Variants in SLC5A7 observed in about 807,000 individuals in gnomAD.
SLC5A7 encodes solute carrier family 5 member 7, also known as high affinity choline transporter 1.
Under a neutral mutation model 55.4 loss-of-function variants are expected in SLC5A7, and 19 were observed. That is an observed-to-expected ratio of 0.34 (90% CI 0.24 to 0.50). The LOEUF (loss-of-function observed/expected upper bound fraction) is 0.50, where lower values mean the gene tolerates loss of function less well. SLC5A7 is among the 20% of genes least tolerant of loss of function. The pLI, the probability that SLC5A7 is intolerant of heterozygous loss-of-function variation, is 0.98. For synonymous variants in SLC5A7, 265 were observed against 263.7 expected (o/e 1.00, Z -0.05); for missense variants, 506 against 705.3 (o/e 0.72, Z 3.20).
intron 4 of SLC5A7, among the ~76,000 whole-genome samples, chr2:107,995,243 A>G (rs1014442536): frequency 3.9e-5 from 6 of 152,196 alleles, no homozygotes; most frequent in African/African-American, 9.7e-5. Context: ...AATAGCTATA[A>G]TGTCACTAAG....
intron 5 of SLC5A7, among the ~76,000 whole-genome samples, chr2:107,999,020 A>C (rs1000537451): frequency 2.6e-5 from 4 of 152,238 alleles, no homozygotes; most frequent in Non-Finnish European, 4.4e-5. Context: ...AATTGTAAAA[A>C]ACAGACTACA....
chr2:108,003,953 G>C (rs1208837739), intron 6 of SLC5A7, among the ~76,000 whole-genome samples: 1 of 152,108 alleles, frequency 6.6e-6, no homozygotes, highest in Non-Finnish European at 1.5e-5. Context: ...ACTTCTCGTT[G>C]TGCCCTCACA....
chr2:107,988,231 G>C lies in SLC5A7; in HGVS notation c.76G>C (p.Ala26Pro). 6.2e-7 allele frequency: 1 copy of C among 1,614,168 alleles called. No homozygotes were observed. Among genetic ancestry groups the C allele is most frequent in the Non-Finnish European group, 8.5e-7 (1 of 1,179,980 alleles). Residue 26 changes from alanine (A) to proline (P), a missense_variant, in exon 2 of 9, where the codon GCC becomes CCC. Around this residue, in one of 4 missense-constraint regions of SLC5A7, gnomAD observed 56 missense variants for 62.6 expected, o/e 0.89. Transcript: ENST00000264047. ...AATTTTGCTGGTTGGAATATGGGCT[G>C]CCTGGAGAACCAAAAACAGTGGCAG... The part of the protein sequence containing the change: ...LLILLVGIWA[A>P]WRTKNSGSAE...
At chr2:108,007,216 G>A (rs1308343568) in intron 7 of SLC5A7, among the ~76,000 whole-genome samples, 1 of 152,004 alleles carries the variant, frequency 6.6e-6, no homozygotes, top group Non-Finnish European at 1.5e-5. Context: ...TTTGTCCTGT[G>A]GTATTCTGTA....
intron 2 of SLC5A7, among the ~76,000 whole-genome samples, chr2:107,990,161 A>G (rs898191559): frequency 2.6e-5 from 4 of 152,218 alleles, no homozygotes; most frequent in African/African-American, 9.7e-5. Flanking sequence ...GTTCTCACTC[A>G]TGGATCTGAC....
chr2:107,987,483 A>C (rs1228639073), intron 1 of SLC5A7, among the ~76,000 whole-genome samples: 1 of 152,186 alleles, frequency 6.6e-6, no homozygotes, highest in Non-Finnish European at 1.5e-5. Flanking sequence ...AAACATACTT[A>C]GTTGCTATAG....
intron 8 of SLC5A7, 126 bp downstream of exon 8, chr2:108,008,808 A>AGCAGAAGAAG: frequency 1.6e-6 from 1 of 632,830 alleles, no homozygotes. Flanking sequence ...CTGTACTTTA[A>AGCAGAAGAAG]GCATACGAGA....
chr2:107,986,791 C>T (rs1329433082), intron 1 of SLC5A7, 28 bp downstream of exon 1: 3 of 152,176 alleles, frequency 2.0e-5, no homozygotes, highest in Non-Finnish European at 4.4e-5. Context: ...ATTCCTGCGC[C>T]TACGGGCCCG....
rs781570334 is a variant in SLC5A7, at chr2:107,997,825, T to C, written c.449-13T>C. On this transcript the variant is annotated splice_polypyrimidine_tract_variant and intron_variant, in intron 4 of 8. Coordinates refer to ENST00000264047, the MANE Select transcript of SLC5A7 (RefSeq NM_021815.5). ...TGGGCACCTTGACCACAGAACTCTC[T>C]TGTTTGTTTCAGGAGCCACCATCAG... is the stretch of plus-strand genomic sequence containing the variant. 2.5e-6 allele frequency: 4 copies of C among 1,602,554 alleles called. No individual in the cohort carries two copies. The highest frequency in any genetic ancestry group is 2.2e-5 in the East Asian group (1 of 44,522).
chr2:107,989,722 G>T (rs1234847185), intron 2 of SLC5A7, among the ~76,000 whole-genome samples: 1 of 152,150 alleles, frequency 6.6e-6, no homozygotes, highest in Non-Finnish European at 1.5e-5. Flanking sequence ...CTTTCAAAAG[G>T]TGCACAGTTT....
At chr2:107,991,305 TA>T (rs1307980968) in intron 2 of SLC5A7, among the ~76,000 whole-genome samples, 1 of 152,180 alleles carries the variant, frequency 6.6e-6, no homozygotes, top group Non-Finnish European at 1.5e-5. Context: ...AATATCTTAC[TA>T]AAAGATCCAT....
At chr2:108,007,701 C>A (rs1678176590) in intron 7 of SLC5A7, among the ~76,000 whole-genome samples, 1 of 151,996 alleles carries the variant, frequency 6.6e-6, no homozygotes, top group Non-Finnish European at 1.5e-5. Flanking sequence ...ATGGTAGGAT[C>A]CAAAGAGAAC....
intron 7 of SLC5A7, among the ~76,000 whole-genome samples, chr2:108,007,498 GTGTGTC>G (rs1403981209): frequency 8.6e-5 from 13 of 151,966 alleles, no homozygotes; most frequent in Admixed American, 7.2e-4. Flanking sequence ...GTGTGTGTGT[GTGTGTC>G]TGTGTGTGTG....
chr2:107,991,390 T>C (rs1211308369), intron 2 of SLC5A7, among the ~76,000 whole-genome samples: 1 of 152,176 alleles, frequency 6.6e-6, no homozygotes, highest in Admixed American at 6.5e-5. Context: ...AGTCTAGGCC[T>C]TAAGGTAACA....
At chr2:107,991,680 C>A (rs1048534065) in intron 2 of SLC5A7, among the ~76,000 whole-genome samples, 2 of 151,942 alleles carry the variant, frequency 1.3e-5, no homozygotes, top group Non-Finnish European at 2.9e-5. Context: ...AATGGAAGGG[C>A]CTTGAAATAA....
Position 108,013,564 on chromosome 2 carries a change from A to G in SLC5A7, c.*2703A>G, listed in dbSNP as rs1457345950. On this transcript the variant is annotated 3_prime_UTR_variant, in exon 9 of 9. Coordinates refer to ENST00000264047, the MANE Select transcript of SLC5A7 (RefSeq NM_021815.5). ...TTTTGACATAATGAGTAATGCAGAC[A>G]TTTACATGTTCTTCCAGCTTCAATC... The G allele has an allele frequency of 1.2e-4, 18 of 152,188 alleles. No individual in the cohort carries two copies. The highest frequency in any genetic ancestry group is 1.9e-4 in the Non-Finnish European group (13 of 68,014). The allele number at this position is 152,188 out of a possible 1,614,324, so 9.4% of individuals were successfully genotyped here.
intron 7 of SLC5A7, among the ~76,000 whole-genome samples, chr2:108,008,067 C>T (rs1043335713): frequency 2.6e-5 from 4 of 152,276 alleles, no homozygotes; most frequent in African/African-American, 7.2e-5. Flanking sequence ...CTACTATTGT[C>T]TTTCTTCATT....
intron 5 of SLC5A7, 151 bp from the exon 6 acceptor site, chr2:108,001,746 C>T (rs1677915228): frequency 3.1e-6 from 2 of 651,100 alleles, no homozygotes; most frequent in Non-Finnish European, 5.0e-6. Flanking sequence ...TTTATGGTGC[C>T]CAACAAAAAA....
rs528321603 is a variant in SLC5A7, at chr2:107,992,873, G to T, written c.293-99G>T. 282 of 1,331,402 alleles carry T rather than the reference G, an allele frequency of 2.1e-4. 3 individuals are homozygous for T. In the African/African-American group the frequency reaches 3.9e-3, roughly 18 times the overall value. 82.5% of individuals were successfully genotyped at this position (1,331,402 alleles called of 1,614,324 possible). A position where few individuals can be genotyped will look rare whatever the true frequency, so the allele number is the denominator to read the frequency against. ...GACTTGTTCCTCAATCCATACAGGT[G>T]TTCTGGAAAATGCATTTTCCTTGAT... On this transcript the variant is annotated intron_variant, in intron 3 of 8. Transcript: ENST00000264047.
Sources: allele counts gnomAD v4.1 joint callset (sites outside exome capture counted in the v4.1 genomes callset), GRCh38; gene constraint gnomAD v4.1.1; regional missense constraint gnomAD v4.1.1; transcripts MANE v1.5; gene names NCBI Gene and HGNC (gene_info 2026-07-23, HGNC 2026-07-21).